The following HGS variants were observed in gnomAD, a reference collection of about 807,000 sequenced individuals.
HGS encodes human growth factor-regulated tyrosine kinase substrate.
A neutral mutation model predicts 109.7 loss-of-function variants in HGS; 63 were observed. That is an observed-to-expected ratio of 0.57 (90% confidence interval 0.47 to 0.71). The LOEUF is 0.71. HGS is among the 30% of genes least tolerant of loss of function. HGS has a pLI of 0.00. For missense variants in HGS, 995 were observed against 1,068.3 expected, an observed-to-expected ratio of 0.93 and a Z score of 0.96; for synonymous variants, 546 against 437.3, an observed-to-expected ratio of 1.25 and a Z score of -3.10.
chr17:81,694,877 C>T lies in HGS; in HGVS notation c.975+24C>T, dbSNP rs759372573. 9 of 1,614,160 alleles carry T rather than the reference C, an allele frequency of 5.6e-6. No individual in the cohort carries two copies. The South Asian group carries it at 7.7e-5, about 14-fold the overall frequency. On this transcript the variant is annotated intron_variant, in intron 12 of 21. Transcript: ENST00000329138. ...AGGTAAGGCCCAGCATGGGGTGCAT[C>T]CTCTCACGGTTTCTGGCCTTGGGAG...
chr17:81,687,465 G>A (rs1323424701), intron 4 of HGS, among the ~76,000 whole-genome samples: 1 of 152,170 alleles, frequency 6.6e-6, no homozygotes, highest in Non-Finnish European at 1.5e-5. Flanking sequence ...GTGTGAGAGT[G>A]GCTGTGGTCC....
chr17:81,689,530 C>T (rs1296289590), intron 5 of HGS, among the ~76,000 whole-genome samples: 3 of 152,132 alleles, frequency 2.0e-5, no homozygotes, highest in Non-Finnish European at 4.4e-5. Context: ...GAGAGGTGGG[C>T]ATGGCTGCTC....
intron 4 of HGS, among the ~76,000 whole-genome samples, chr17:81,688,439 C>T (rs1002292861): frequency 2.0e-5 from 3 of 152,196 alleles, no homozygotes; most frequent in African/African-American, 7.2e-5. Context: ...GGGCAGGTCC[C>T]GTGGGGAAAG....
At chr17:81,700,979 C>G in intron 20 of HGS, 66 bp from the exon 21 acceptor site, 1 of 1,552,658 alleles carries the variant, frequency 6.4e-7, no homozygotes, top group East Asian at 2.2e-5. Context: ...TTGTTGCAAG[C>G]CAGAAACATC....
chr17:81,689,147 C>T (rs2037027297), intron 5 of HGS, among the ~76,000 whole-genome samples: 1 of 152,226 alleles, frequency 6.6e-6, no homozygotes, highest in South Asian at 2.1e-4. Flanking sequence ...GGGAAGGCCT[C>T]TGAAGGAGCT....
intron 5 of HGS, among the ~76,000 whole-genome samples, chr17:81,689,039 G>T (rs1468693862): frequency 1.3e-5 from 2 of 152,268 alleles, no homozygotes; most frequent in Non-Finnish European, 2.9e-5. Context: ...ACGGGCAGGG[G>T]CAGGCAGTGA....
chr17:81,695,117 G>C (rs764666884), intron 13 of HGS, 47 bp from the exon 14 acceptor site: 1 of 1,613,268 alleles, frequency 6.2e-7, no homozygotes, highest in South Asian at 1.1e-5. Context: ...CTTGGAAGGG[G>C]TGGATGCGGG....
At chr17:81,687,767 C>T (rs774002036) in intron 4 of HGS, among the ~76,000 whole-genome samples, 1 of 152,122 alleles carries the variant, frequency 6.6e-6, no homozygotes, top group African/African-American at 2.4e-5. Flanking sequence ...AGGCTGCTCC[C>T]CTTCTGTCCC....
At chr17:81,693,270 G>A (rs1007296367) in intron 8 of HGS, among the ~76,000 whole-genome samples, 5 of 152,214 alleles carry the variant, frequency 3.3e-5, no homozygotes, top group African/African-American at 1.2e-4. Flanking sequence ...TTCAGGAGAG[G>A]AACTGGGGCT....
At position 81,686,372 on chromosome 17, in the gene HGS, C is replaced by G; in HGVS notation, c.183C>G (p.Ala61=). 1 of 1,613,632 alleles carries G rather than the reference C, an allele frequency of 6.2e-7. No homozygotes were observed. The highest frequency in any genetic ancestry group is 8.5e-7 in the Non-Finnish European group (1 of 1,179,930). The part of the protein sequence containing the change: ...KKVNDKNPHV[A]LYALEVMESV... ...TCAACGACAAGAACCCACACGTCGC[C>G]TTGTATGCCCTGGAGGTAAGCAGAC... Residue 61 remains alanine, a synonymous_variant, in exon 3 of 22, where the codon GCC becomes GCG. Transcript: ENST00000329138.
rs765466095 is a variant in HGS, at chr17:81,693,660, C to G, written c.748C>G (p.Pro250Ala). 9 of 1,555,528 alleles carry G rather than the reference C, an allele frequency of 5.8e-6. No homozygotes were observed. The Admixed American group carries it at 1.5e-4, about 27-fold the overall frequency. ...CCTCCCCGCTTGTCCTCAGCTGCCC[C>G]CCAAGAGGGACGAGACGGCCCTGCA... ...SPLSQQSQLP[P>A]KRDETALQEE... Residue 250 changes from proline (P) to alanine (A), a missense_variant, in exon 10 of 22, where the codon CCC becomes GCC. Transcript: ENST00000329138.
In HGS at chr17:81,690,754, C is replaced by T. The variant is rs376116861; in HGVS notation, c.537+12C>T. ...TGATGACCCGTAAGGTGAGTTCCCA[C>T]CTGGGGGGCTCTACAGCCCCGGCCA... On this transcript the variant is annotated intron_variant, in intron 7 of 21. Coordinates refer to ENST00000329138, the MANE Select transcript of HGS (RefSeq NM_004712.5). The T allele has an allele frequency of 1.7e-4, 280 of 1,610,624 alleles. No individual in the cohort carries two copies. Among genetic ancestry groups the T allele is most frequent in the Non-Finnish European group, 2.2e-4 (256 of 1,178,390 alleles).
intron 1 of HGS, chr17:81,684,808 A>G: frequency 1.4e-6 from 1 of 719,350 alleles, no homozygotes; most frequent in Non-Finnish European, 1.7e-6. Flanking sequence ...CTTTTTGTCA[A>G]GTAGGGTTTT....
intron 4 of HGS, among the ~76,000 whole-genome samples, chr17:81,688,011 C>T (rs915418215): frequency 4.6e-5 from 7 of 152,200 alleles, no homozygotes; most frequent in South Asian, 2.1e-4. Context: ...TGAGCCGGTT[C>T]GCTCCTCTGG....
intron 1 of HGS, among the ~76,000 whole-genome samples, chr17:81,685,386 C>T (rs1019707697): frequency 6.6e-6 from 1 of 152,208 alleles, no homozygotes; most frequent in African/African-American, 2.4e-5. Flanking sequence ...AGGGCTTGGA[C>T]CAGCACCTGG....
chr17:81,697,391 AGCTT>A (rs2144502844), intron 18 of HGS: 1 of 126,034 alleles, frequency 7.9e-6, no homozygotes, highest in South Asian at 2.6e-4. Context: ...TTCCCCAGTC[AGCTT>A]CTGTGTTTTG....
intron 10 of HGS, 33 bp from the exon 11 acceptor site, chr17:81,693,837 A>T: frequency 6.4e-7 from 1 of 1,570,702 alleles, no homozygotes; most frequent in Non-Finnish European, 8.6e-7. Context: ...CGTCACGTGC[A>T]CCCAAGTGAC....
intron 5 of HGS, 88 bp from the exon 6 acceptor site, chr17:81,690,094 G>A (rs1412780059): frequency 2.1e-5 from 30 of 1,432,296 alleles, no homozygotes; most frequent in Admixed American, 5.4e-5. Context: ...TCACTGCTGC[G>A]TTGCAGCTGC....
rs374355691 is a variant in HGS at position 81,697,006 on chromosome 17, C to T, written c.1882+8C>T. The T allele has an allele frequency of 8.4e-5, 131 of 1,558,554 alleles. No individual in the cohort carries two copies. The East Asian group carries it at 1.2e-3, about 15-fold the overall frequency. Reference sequence around the variant, plus strand: ...TGCCCAGCACTGCGGCTGGTAAGGACGGGTCGGGGCAGAGACCATGCCTTT... The same window carrying T: ...TGCCCAGCACTGCGGCTGGTAAGGATGGGTCGGGGCAGAGACCATGCCTTT... On this transcript the variant is annotated splice_region_variant and intron_variant, in intron 18 of 21. Coordinates refer to ENST00000329138, the MANE Select transcript of HGS (RefSeq NM_004712.5).
Sources: allele counts gnomAD v4.1 joint callset (sites outside exome capture counted in the v4.1 genomes callset), GRCh38; gene constraint gnomAD v4.1.1; transcripts MANE v1.5; gene names NCBI Gene and HGNC (gene_info 2026-07-23, HGNC 2026-07-21).